USH1C: variants seen among roughly 807,000 people sequenced by gnomAD.
USH1C encodes the protein USH1 protein network component harmonin, also known as harmonin.
A neutral mutation model predicts 119.3 loss-of-function variants in USH1C; 90 were observed. That is an observed-to-expected ratio of 0.75 (90% CI 0.64 to 0.90). USH1C has a LOEUF of 0.90. Among genes scored for constraint, USH1C ranks in the 40% least tolerant of loss-of-function variants. The probability of loss-of-function intolerance (pLI) is 0.00; values close to 1 mark genes in which losing one functional copy is unlikely to be tolerated. For synonymous variants in USH1C, 465 were observed against 443.3 expected, an observed-to-expected ratio of 1.05 and a Z score of -0.62; for missense variants, 1,165 against 1,167.7, an observed-to-expected ratio of 1.00 and a Z score of 0.03.
intron 15 of USH1C, among the ~76,000 whole-genome samples, chr11:17,513,408 G>C (rs1451407532): frequency 6.6e-6 from 1 of 152,104 alleles, no homozygotes; most frequent in Non-Finnish European, 1.5e-5. Context: ...CCAAGGCCAG[G>C]AATAAGGAAT....
At position 17,505,855 on chromosome 11, in the gene USH1C, C is replaced by T; in HGVS notation, c.2108G>A (p.Arg703Lys). ...CAGAACTTCAGATTTCACAGCTGGC[C>T]TGTAGATGAAATTGGGCTCCTGGTG... ...MVHQEPNFIY[R>K]PAVKSEVLPQ... The change falls in exon 19 of 27, where the codon AGG becomes AAG. Residue 703 changes from arginine (R) to lysine (K), a missense_variant. Physicochemically the swap from Arg to Lys is conservative, Grantham distance 26. Transcript: ENST00000005226. The T allele has an allele frequency of 6.2e-7, 1 of 1,614,162 alleles. No individual in the cohort carries two copies. Among genetic ancestry groups the T allele is most frequent in the Non-Finnish European group, 8.5e-7 (1 of 1,180,010 alleles).
chr11:17,525,652 G>A (rs1565055372), intron 8 of USH1C, among the ~76,000 whole-genome samples: 2 of 152,166 alleles, frequency 1.3e-5, no homozygotes, highest in African/African-American at 2.4e-5. Flanking sequence ...CTTAAGCCCC[G>A]TGTGGCCCAG....
At chr11:17,502,099 A>G in intron 20 of USH1C, 119 bp from the exon 21 acceptor site, 6 of 1,035,384 alleles carry the variant, frequency 5.8e-6, no homozygotes, top group Non-Finnish European at 8.5e-6. Context: ...AGGGCGGGAG[A>G]AGGCACGGCC....
At chr11:17,504,992 A>G (rs1046374025) in intron 19 of USH1C, among the ~76,000 whole-genome samples, 1 of 152,242 alleles carries the variant, frequency 6.6e-6, no homozygotes, top group South Asian at 2.1e-4. Context: ...AAGGCCCAAA[A>G]TAAATATCTC....
intron 1 of USH1C, among the ~76,000 whole-genome samples, chr11:17,535,012 G>A (rs1851176451): frequency 6.6e-6 from 1 of 152,118 alleles, no homozygotes; most frequent in East Asian, 1.9e-4. Flanking sequence ...CACATAGCCT[G>A]GATTCTCTCA....
At chr11:17,494,694 G>T (rs1849184490) in intron 26 of USH1C, 1 of 435,146 alleles carries the variant, frequency 2.3e-6, no homozygotes, top group South Asian at 2.2e-5. Context: ...AGAAGCCATG[G>T]TCTACCCGGC....
chr11:17,513,822 A>G (rs1326786925), intron 15 of USH1C, among the ~76,000 whole-genome samples: 1 of 99,412 alleles, frequency 1.0e-5, no homozygotes, highest in African/African-American at 3.4e-5. Context: ...TGCTTAAAAA[A>G]AGAAAGAAAG....
At chr11:17,501,002 C>G (rs1344850451) in intron 23 of USH1C, 49 bp downstream of exon 23, 1 of 1,545,164 alleles carries the variant, frequency 6.5e-7, no homozygotes, top group South Asian at 1.1e-5. Flanking sequence ...AGGGCCCCGT[C>G]TAACCACTGT....
chr11:17,501,275 C>T, intron 22 of USH1C, 125 bp from the exon 23 acceptor site: 1 of 1,037,656 alleles, frequency 9.6e-7, no homozygotes, highest in Non-Finnish European at 1.5e-6. Flanking sequence ...ACCGGCAGTG[C>T]CATCTGGAGA....
intron 18 of USH1C, among the ~76,000 whole-genome samples, chr11:17,506,233 G>T (rs1849644465): frequency 6.6e-6 from 1 of 152,204 alleles, no homozygotes; most frequent in African/African-American, 2.4e-5. Context: ...TCACCCAGGA[G>T]ACACACTTTC....
Position 17,504,707 on chromosome 11 carries a change from G to GA in USH1C, c.2134-11dup, listed in dbSNP as rs397848183. ...TCAACATCTCCTGTGGCTGCCAGAGGAAAAAAAAAAAAGTTCCACATTGGA... is the reference window on the plus strand; with the variant it reads ...TCAACATCTCCTGTGGCTGCCAGAGGAAAAAAAAAAAAAGTTCCACATTGGA... On this transcript the variant is annotated splice_polypyrimidine_tract_variant and intron_variant, in intron 19 of 26. Transcript: ENST00000005226. 0.025 allele frequency: 26,912 copies of GA among 1,057,650 alleles called. 51 individuals are homozygous for GA. Among genetic ancestry groups the GA allele is most frequent in the African/African-American group, 0.068 (4,179 of 61,398 alleles). The allele number at this position is 1,057,650 out of a possible 1,614,324, so 65.5% of individuals were successfully genotyped here.
intron 1 of USH1C, among the ~76,000 whole-genome samples, chr11:17,543,149 C>T (rs552077361): frequency 2.6e-4 from 39 of 152,326 alleles, no homozygotes; most frequent in Admixed American, 2.3e-3. Flanking sequence ...TAACTGACCC[C>T]GGGCCCTTGG....
intron 22 of USH1C, 139 bp downstream of exon 22, chr11:17,501,343 T>A (rs1849436527): frequency 5.3e-6 from 6 of 1,140,534 alleles, no homozygotes; most frequent in Non-Finnish European, 7.7e-6. Flanking sequence ...CAGAGGGGCG[T>A]CTCCGTGGGA....
intron 19 of USH1C, among the ~76,000 whole-genome samples, chr11:17,505,588 T>C (rs983640399): frequency 6.6e-6 from 1 of 152,240 alleles, no homozygotes; most frequent in African/African-American, 2.4e-5. Context: ...GCGATCATTA[T>C]TACTTTTAGA....
At chr11:17,514,087 T>C (rs529890177) in intron 15 of USH1C, among the ~76,000 whole-genome samples, 1 of 152,304 alleles carries the variant, frequency 6.6e-6, no homozygotes, top group Non-Finnish European at 1.5e-5. Flanking sequence ...GCAATTCTGA[T>C]GAAAGGGCTT....
At chr11:17,501,380 G>A in intron 22 of USH1C, 102 bp downstream of exon 22, 9 of 1,393,072 alleles carry the variant, frequency 6.5e-6, no homozygotes, top group Non-Finnish European at 9.0e-6. Flanking sequence ...GGACCTGAGA[G>A]ACCACCCAGG....
intron 25 of USH1C, among the ~76,000 whole-genome samples, chr11:17,496,445 G>A (rs1410969728): frequency 6.6e-6 from 1 of 152,220 alleles, no homozygotes; most frequent in Non-Finnish European, 1.5e-5. Flanking sequence ...AGGGGATAAA[G>A]TTCTGAGTGG....
At position 17,494,797 on chromosome 11, in the gene USH1C, C is replaced by A. The variant is rs577875758; in HGVS notation, c.2656-421G>T. 1.7e-4 allele frequency: 50 copies of A among 300,048 alleles called. No homozygotes were observed. In the East Asian group the frequency reaches 3.7e-3, roughly 22 times the overall value. The allele number at this position is 300,048 out of a possible 1,614,324, so 18.6% of individuals were successfully genotyped here. On this transcript the variant is annotated intron_variant, in intron 26 of 26. Coordinates refer to ENST00000005226, the MANE Select transcript of USH1C (RefSeq NM_153676.4). ...TTGGGTCTGCCCCAGATGCTGCCAT[C>A]TGTGGCTTCAGGCCACACCAAACAC...
intron 23 of USH1C, among the ~76,000 whole-genome samples, chr11:17,499,847 TTACCACCTCCATTC>T (rs1341909276): frequency 6.6e-6 from 1 of 152,200 alleles, no homozygotes; most frequent in South Asian, 2.1e-4. Context: ...CCCTTACCTC[TTACCACCTCCATTC>T]TACCACCTCC....
Sources: gnomAD v4.1 joint callset for allele counts (sites outside exome capture counted in the v4.1 genomes callset) on GRCh38, gnomAD v4.1.1 for gene constraint, MANE v1.5 for transcripts, NCBI Gene and HGNC (gene_info 2026-07-23, HGNC 2026-07-21) for gene names.